Variants in C2orf49 observed in about 807,000 individuals in gnomAD.
C2orf49 encodes the protein tRNA-splicing ligase complex subunit ASW.
A neutral mutation model predicts 20.6 loss-of-function variants in C2orf49; 11 were observed. The observed-to-expected ratio is 0.53, with a 90% CI of 0.34 to 0.88. The LOEUF is 0.88. Among genes scored for constraint, C2orf49 ranks in the 40% least tolerant of loss-of-function variants. The pLI, the probability that C2orf49 is intolerant of heterozygous loss-of-function variation, is 0.02. For synonymous variants in C2orf49, 134 were observed against 108.5 expected (o/e 1.24, Z -1.46); for missense variants, 289 against 274.2 (o/e 1.05, Z -0.38).
chr2:105,352,225 T>C (rs1347945555), downstream of C2orf49, among the ~76,000 whole-genome samples: 1 of 152,190 alleles, frequency 6.6e-6, no homozygotes, highest in African/African-American at 2.4e-5. Context: ...TTAAGTCATA[T>C]CATTTAAGAT....
At chr2:105,368,800 G>T in the C2orf49 span, among the ~76,000 whole-genome samples, 2 of 152,124 alleles carry the variant, frequency 1.3e-5, no homozygotes, top group African/African-American at 4.8e-5. Context: ...ATAAAGCAAA[G>T]GTAAAGAACA....
chr2:105,343,497 C>T (rs1679729995), intron 3 of C2orf49, among the ~76,000 whole-genome samples: 1 of 152,198 alleles, frequency 6.6e-6, no homozygotes, highest in African/African-American at 2.4e-5. Context: ...AGATTTTTCT[C>T]ATTTAGTTCC....
chr2:105,362,643 A>G, the C2orf49 span, among the ~76,000 whole-genome samples: 1 of 152,066 alleles, frequency 6.6e-6, no homozygotes, highest in African/African-American at 2.4e-5. Context: ...CCACCCAGTC[A>G]CTCATTTGTG....
the C2orf49 span, among the ~76,000 whole-genome samples, chr2:105,355,770 T>G: frequency 0.039 from 5,519 of 143,210 alleles, 284 homozygotes; most frequent in Middle Eastern, 0.074. Context: ...AGAAAAAATT[T>G]TGTGTGTGTG....
chr2:105,344,009 T>A (rs1215415440), intron 3 of C2orf49, among the ~76,000 whole-genome samples: 4 of 152,080 alleles, frequency 2.6e-5, no homozygotes, highest in African/African-American at 4.8e-5. Flanking sequence ...ATTCAAACAT[T>A]CTAAAATAGT....
chr2:105,357,048 A>G, the C2orf49 span, among the ~76,000 whole-genome samples: 36 of 152,254 alleles, frequency 2.4e-4, no homozygotes, highest in South Asian at 8.3e-4. Flanking sequence ...CCTAGACTCA[A>G]GCAATTCTCT....
At chr2:105,369,107 G>T in the C2orf49 span, among the ~76,000 whole-genome samples, 1 of 152,218 alleles carries the variant, frequency 6.6e-6, no homozygotes, top group African/African-American at 2.4e-5. Context: ...ATATTTATCT[G>T]ATTTTTGAAG....
At chr2:105,349,829 C>A (rs10174630), downstream of C2orf49, among the ~76,000 whole-genome samples, 3 of 152,196 alleles carry the variant, frequency 2.0e-5, no homozygotes, top group South Asian at 6.2e-4. Context: ...TAAGGCATAG[C>A]TATGGAGAGC....
chr2:105,371,292 G>A, the C2orf49 span, among the ~76,000 whole-genome samples: 100 of 152,074 alleles, frequency 6.6e-4, 1 homozygote, highest in South Asian at 0.02. Flanking sequence ...CGTTACCCAC[G>A]TATCAGGGCC....
At position 105,342,959 on chromosome 2, in the gene C2orf49, G is replaced by A. The variant is rs34827402; in HGVS notation, c.378G>A (p.Leu126=). The A allele has an allele frequency of 6.2e-7, 1 of 1,614,222 alleles. No individual in the cohort carries two copies. Among genetic ancestry groups the A allele is most frequent in the African/African-American group, 1.3e-5 (1 of 75,044 alleles). ...KKTENGDNDR[L]KPPPQASFTS... ...CAGAGAATGGAGATAATGATCGACT[G>A]AAGCCTCCCCCGCAGGCAAGCTTTA... The change falls in exon 3 of 4, where the codon CTG becomes CTA. Residue 126 remains leucine (L), a synonymous_variant. Transcript: ENST00000258457.
chr2:105,361,193 A>C, the C2orf49 span: 1 of 1,369,378 alleles, frequency 7.3e-7, no homozygotes, highest in Non-Finnish European at 1.0e-6. Context: ...ATGTGGCTGG[A>C]AGAAACCAGA....
At chr2:105,383,347 C>T in the C2orf49 span, among the ~76,000 whole-genome samples, 1 of 152,226 alleles carries the variant, frequency 6.6e-6, no homozygotes, top group Non-Finnish European at 1.5e-5. Flanking sequence ...ATTGTATTAG[C>T]ATTGTCTATT....
the C2orf49 span, chr2:105,377,665 A>T: frequency 5.6e-6 from 1 of 177,178 alleles, no homozygotes; most frequent in East Asian, 1.6e-4. Context: ...TTTGATTGTT[A>T]TGTAGCAGGT....
At chr2:105,370,037 CGGA>C in the C2orf49 span, among the ~76,000 whole-genome samples, 1 of 152,194 alleles carries the variant, frequency 6.6e-6, no homozygotes, top group Admixed American at 6.5e-5. Context: ...CTCCCGCAGG[CGGA>C]AGCGCAGTCT....
chr2:105,376,566 G>T, the C2orf49 span: 1 of 152,222 alleles, frequency 6.6e-6, no homozygotes, highest in Non-Finnish European at 1.5e-5. Context: ...AATGCTGATT[G>T]TGGAAGAAAT....
the C2orf49 span, among the ~76,000 whole-genome samples, chr2:105,367,055 T>C: frequency 6.6e-6 from 1 of 152,234 alleles, no homozygotes; most frequent in African/African-American, 2.4e-5. Flanking sequence ...ATTACAGGCA[T>C]GAGCCTCCAT....
chr2:105,364,134 T>C, the C2orf49 span, among the ~76,000 whole-genome samples: 1 of 152,074 alleles, frequency 6.6e-6, no homozygotes, highest in Non-Finnish European at 1.5e-5. Context: ...GGTGCACCTG[T>C]ATTCCCAGCT....
chr2:105,350,051 C>T (rs796096628), downstream of C2orf49, among the ~76,000 whole-genome samples: 5 of 152,332 alleles, frequency 3.3e-5, no homozygotes, highest in African/African-American at 1.2e-4. Flanking sequence ...GCTCACCCAA[C>T]AGCCAGCACT....
At chr2:105,367,645 GA>G in the C2orf49 span, 2 of 1,614,224 alleles carry the variant, frequency 1.2e-6, no homozygotes, top group Non-Finnish European at 1.7e-6. Flanking sequence ...TGTCTTTGGG[GA>G]TGAAACTCTT....
Sources: gnomAD v4.1 joint callset for allele counts (sites outside exome capture counted in the v4.1 genomes callset) on GRCh38, gnomAD v4.1.1 for gene constraint, MANE v1.5 for transcripts, NCBI Gene and HGNC (gene_info 2026-07-23, HGNC 2026-07-21) for gene names.